DLG2: variants seen among roughly 807,000 people sequenced by gnomAD.
The protein encoded by DLG2 is discs large MAGUK scaffold protein 2, also known as disks large homolog 2.
In DLG2, 45 loss-of-function variants were observed where a neutral mutation model predicts 132.5. The ratio of observed to expected loss-of-function variants is 0.34; its 90% CI spans 0.27 to 0.44. DLG2 has a LOEUF of 0.44. DLG2 is among the 20% of genes least tolerant of loss of function. DLG2 has a pLI of 1.00. For missense variants in DLG2, 1,045 were observed against 1,196.9 expected, an observed-to-expected ratio of 0.87 and a Z score of 1.87; for synonymous variants, 424 against 419.6, an observed-to-expected ratio of 1.01 and a Z score of -0.13.
At position 83,559,678 on chromosome 11, in the gene DLG2, A is replaced by G. The variant is rs2096577845; in HGVS notation, c.1941-17820T>C. Among the ~76,000 whole-genome samples, 3 of 152,224 alleles carry G rather than the reference A, an allele frequency of 2.0e-5. 1 individual carries two copies. In the South Asian group the frequency reaches 6.2e-4, roughly 31 times the overall value. On this transcript the variant is annotated intron_variant, in intron 19 of 27. Coordinates refer to ENST00000376104, the MANE Select transcript of DLG2 (RefSeq NM_001142699.3). ...TTCTTTGCATCTAGCTATATCCATG[A>G]GCCTATAGTCTGACACATCAAATGT...
intron 6 of DLG2, among the ~76,000 whole-genome samples, chr11:84,970,964 C>A (rs2054018435): frequency 6.6e-6 from 1 of 152,082 alleles, no homozygotes; most frequent in Admixed American, 6.6e-5. Context: ...ATCTAAGATG[C>A]ATGAGAATTG....
At chr11:85,289,804 G>A (rs913768507) in intron 3 of DLG2, among the ~76,000 whole-genome samples, 12 of 152,200 alleles carry the variant, frequency 7.9e-5, no homozygotes, top group Admixed American at 6.5e-4. Context: ...CCCTTATCCT[G>A]TATCCAAATC....
At chr11:85,101,734 T>C (rs961880220) in intron 6 of DLG2, among the ~76,000 whole-genome samples, 1 of 152,120 alleles carries the variant, frequency 6.6e-6, no homozygotes, top group African/African-American at 2.4e-5. Context: ...CACACAGCTC[T>C]GTCACGAAAC....
intron 4 of DLG2, among the ~76,000 whole-genome samples, chr11:85,168,422 T>C (rs556020632): frequency 1.3e-5 from 2 of 152,242 alleles, no homozygotes; most frequent in Admixed American, 6.5e-5. Context: ...TGAAGTATTA[T>C]AACAGAATGA....
intron 8 of DLG2, among the ~76,000 whole-genome samples, chr11:84,218,654 CTG>C (rs142074186): frequency 2.4e-4 from 36 of 152,262 alleles, no homozygotes; most frequent in Non-Finnish European, 4.3e-4. Context: ...TCCTGGGTCA[CTG>C]TGTGGAAGAA....
At chr11:85,519,605 C>A (rs181721605) in intron 3 of DLG2, among the ~76,000 whole-genome samples, 1 of 152,156 alleles carries the variant, frequency 6.6e-6, no homozygotes, top group Non-Finnish European at 1.5e-5. Context: ...GGACTGTGGA[C>A]TTCCGTTAAT....
At chr11:85,296,916 T>C (rs1259502038) in intron 3 of DLG2, among the ~76,000 whole-genome samples, 1 of 150,088 alleles carries the variant, frequency 6.7e-6, no homozygotes, top group Non-Finnish European at 1.5e-5. Flanking sequence ...TACAAAATGA[T>C]ACAATCATAT....
At chr11:84,534,531 T>C (rs751878106) in intron 7 of DLG2, 39 bp downstream of exon 7, 9 of 1,598,108 alleles carry the variant, frequency 5.6e-6, no homozygotes, top group East Asian at 2.2e-5. Flanking sequence ...GACCAACTAC[T>C]GTCACCAACT....
chr11:84,495,337 G>C lies in DLG2; in HGVS notation c.519+39233C>G, dbSNP rs138710299. On this transcript the variant is annotated intron_variant, in intron 7 of 27. Transcript: ENST00000376104. ...CTCAACATATCACCTAAGAGTTAGG[G>C]AAGCACGATCTGACTGCTCTGACAT... Among the ~76,000 whole-genome samples, 3 of 152,214 alleles carry C rather than the reference G, an allele frequency of 2.0e-5. No individual in the cohort carries two copies. In the East Asian group the frequency reaches 5.8e-4, roughly 29 times the overall value.
chr11:83,618,351 G>A (rs866275813), intron 19 of DLG2, among the ~76,000 whole-genome samples: 5 of 152,108 alleles, frequency 3.3e-5, no homozygotes, highest in African/African-American at 9.7e-5. Flanking sequence ...AGAGATTGGA[G>A]TATAAATTTC....
At chr11:83,598,770 T>C (rs2058048964) in intron 19 of DLG2, among the ~76,000 whole-genome samples, 1 of 152,352 alleles carries the variant, frequency 6.6e-6, no homozygotes, top group African/African-American at 2.4e-5. Context: ...TTCACTGCTT[T>C]AGCAAACAGA....
In DLG2 at chr11:84,196,043, A is replaced by G. The variant is rs1014105973; in HGVS notation, c.574-32532T>C. On this transcript the variant is annotated intron_variant, in intron 8 of 27. Transcript: ENST00000376104. Reference sequence around the variant, plus strand: ...CACCAAAATAAAATTATTTGTATGTAGATCATTATTAAATCAATGAAATCA... The same window carrying G: ...CACCAAAATAAAATTATTTGTATGTGGATCATTATTAAATCAATGAAATCA... Among the ~76,000 whole-genome samples, 4 of 152,250 alleles carry G rather than the reference A, an allele frequency of 2.6e-5. 1 individual carries two copies. Among genetic ancestry groups the G allele is most frequent in the African/African-American group, 9.6e-5 (4 of 41,468 alleles).
chr11:83,806,741 C>T (rs1419237017), intron 17 of DLG2, among the ~76,000 whole-genome samples: 2 of 152,132 alleles, frequency 1.3e-5, no homozygotes, highest in Non-Finnish European at 2.9e-5. Context: ...ATCTCTTCCT[C>T]AACTCTGAAG....
intron 8 of DLG2, among the ~76,000 whole-genome samples, chr11:84,208,805 T>A (rs2096712317): frequency 1.3e-5 from 2 of 152,164 alleles, no homozygotes; most frequent in South Asian, 4.1e-4. Flanking sequence ...GTTAAAAGTT[T>A]TGAAACCAGT....
At chr11:83,616,177 G>T (rs989430146) in intron 19 of DLG2, among the ~76,000 whole-genome samples, 16 of 152,034 alleles carry the variant, frequency 1.1e-4, no homozygotes, top group Non-Finnish European at 1.8e-4. Flanking sequence ...CCCAGGTTTA[G>T]GCTATTACAA....
rs556108917 is a variant in DLG2, at chr11:84,540,524, T to A, written c.358-5793A>T. ...TCTCACTCAGTTAGAATGGCGATCA[T>A]TAAAAGTCAGGAAACAACAGGTGCT... On this transcript the variant is annotated intron_variant, in intron 6 of 27. Coordinates refer to ENST00000376104, the MANE Select transcript of DLG2 (RefSeq NM_001142699.3). 5.3e-5 allele frequency among the ~76,000 whole-genome samples: 8 copies of A among 152,170 alleles called. No individual in the cohort carries two copies. In the East Asian group the frequency reaches 1.5e-3, roughly 29 times the overall value.
At chr11:84,152,074 G>A (rs2095308943) in intron 9 of DLG2, among the ~76,000 whole-genome samples, 1 of 152,176 alleles carries the variant, frequency 6.6e-6, no homozygotes, top group African/African-American at 2.4e-5. Context: ...TTGGTCAAGT[G>A]TCTAGTTTAA....
At chr11:85,226,567 A>T (rs951077173) in intron 4 of DLG2, among the ~76,000 whole-genome samples, 15 of 152,200 alleles carry the variant, frequency 9.9e-5, no homozygotes, top group African/African-American at 3.6e-4. Flanking sequence ...AAAGAAAAGA[A>T]AAAACATACA....
chr11:85,266,251 C>T (rs1480118118), intron 4 of DLG2, among the ~76,000 whole-genome samples: 1 of 152,218 alleles, frequency 6.6e-6, no homozygotes, highest in Non-Finnish European at 1.5e-5. Flanking sequence ...CACTCTCTTG[C>T]CTATGTGATC....
Sources: gnomAD v4.1 joint callset for allele counts (sites outside exome capture counted in the v4.1 genomes callset) on GRCh38, gnomAD v4.1.1 for gene constraint, MANE v1.5 for transcripts, NCBI Gene and HGNC (gene_info 2026-07-23, HGNC 2026-07-21) for gene names.